Variants in PLD5 observed in about 807,000 individuals in gnomAD.
The protein encoded by PLD5 is phospholipase D family member 5, also known as inactive phospholipase D5.
A neutral mutation model predicts 61.1 loss-of-function variants in PLD5; 36 were observed. That is an observed-to-expected ratio of 0.59 (90% confidence interval 0.45 to 0.78). The LOEUF (loss-of-function observed/expected upper bound fraction) is 0.78, where lower values mean the gene tolerates loss of function less well. PLD5 is among the 30% of genes least tolerant of loss of function. The pLI, the probability that PLD5 is intolerant of heterozygous loss-of-function variation, is 0.00. For missense variants in PLD5, 515 were observed against 644.4 expected (o/e 0.80, Z 2.17); for synonymous variants, 243 against 242.8 (o/e 1.00, Z -0.01).
chr1:242,409,991 G>A (rs1249319838), intron 1 of PLD5, among the ~76,000 whole-genome samples: 4 of 152,132 alleles, frequency 2.6e-5, no homozygotes, highest in Admixed American at 6.5e-5. Flanking sequence ...TTCTGGAGCC[G>A]CTTTAAAAGA....
chr1:242,450,885 C>T (rs1666751010), intron 1 of PLD5, among the ~76,000 whole-genome samples: 1 of 152,154 alleles, frequency 6.6e-6, no homozygotes, highest in Admixed American at 6.5e-5. Context: ...GTTCTAGACA[C>T]CCCTTTAAGG....
chr1:242,094,653 C>T (rs1049640572), intron 9 of PLD5, among the ~76,000 whole-genome samples: 4 of 152,100 alleles, frequency 2.6e-5, no homozygotes. Context: ...AAAATTCACT[C>T]ATTTAAAAAT....
At chr1:242,173,695 C>T (rs1374595967) in intron 5 of PLD5, among the ~76,000 whole-genome samples, 1 of 152,130 alleles carries the variant, frequency 6.6e-6, no homozygotes, top group Non-Finnish European at 1.5e-5. Context: ...GGTACCAAAA[C>T]AGAGATATAG....
At chr1:242,489,488 G>T (rs1668071244) in intron 1 of PLD5, among the ~76,000 whole-genome samples, 1 of 151,992 alleles carries the variant, frequency 6.6e-6, no homozygotes, top group African/African-American at 2.4e-5. Context: ...AGAAGAGGAA[G>T]AGGCAGCGAA....
intron 1 of PLD5, among the ~76,000 whole-genome samples, chr1:242,408,569 G>A (rs1429525499): frequency 6.6e-6 from 1 of 152,014 alleles, no homozygotes; most frequent in Non-Finnish European, 1.5e-5. Flanking sequence ...CTTGCCATGT[G>A]ACACACCTGC....
At chr1:242,282,852 A>C (rs1674790800) in intron 3 of PLD5, among the ~76,000 whole-genome samples, 1 of 152,200 alleles carries the variant, frequency 6.6e-6, no homozygotes, top group Non-Finnish European at 1.5e-5. Flanking sequence ...TCCAGACAGA[A>C]ACAAAAACCT....
At chr1:242,212,831 CT>C (rs1669917522) in intron 5 of PLD5, among the ~76,000 whole-genome samples, 1 of 152,196 alleles carries the variant, frequency 6.6e-6, no homozygotes, top group African/African-American at 2.4e-5. Context: ...AAACCTCTTT[CT>C]GATAATGGCC....
intron 1 of PLD5, among the ~76,000 whole-genome samples, chr1:242,421,698 G>T (rs147847183): frequency 3.7e-3 from 558 of 152,312 alleles, no homozygotes; most frequent in South Asian, 0.015. Flanking sequence ...GAGAGTTTCA[G>T]ACATTAAGTC....
At chr1:242,331,980 G>A (rs1269716781) in intron 2 of PLD5, among the ~76,000 whole-genome samples, 8 of 147,262 alleles carry the variant, frequency 5.4e-5, no homozygotes, top group Admixed American at 2.7e-4. Flanking sequence ...GTGGTTTGCC[G>A]CACCCATCAA....
At chr1:242,107,410 T>G (rs1661144926) in intron 8 of PLD5, among the ~76,000 whole-genome samples, 1 of 128,366 alleles carries the variant, frequency 7.8e-6, no homozygotes, top group African/African-American at 2.6e-5. Context: ...AAACCCTATC[T>G]CAAGAAAAAA....
intron 1 of PLD5, among the ~76,000 whole-genome samples, chr1:242,401,973 CAAAGG>C (rs1320422733): frequency 6.6e-6 from 1 of 152,180 alleles, no homozygotes; most frequent in Admixed American, 6.5e-5. Context: ...GTTCTAAGGT[CAAAGG>C]AAAGGAACAT....
intron 7 of PLD5, among the ~76,000 whole-genome samples, chr1:242,112,319 G>GTATGTAAGTATA (rs1553301145): frequency 1.1e-5 from 1 of 94,514 alleles, no homozygotes; most frequent in Non-Finnish European, 1.9e-5. Context: ...GTGTGTGTGT[G>GTATGTAAGTATA]TGTGTATGTA....
chr1:242,387,087 T>C (rs1662644200), intron 1 of PLD5, among the ~76,000 whole-genome samples: 1 of 152,220 alleles, frequency 6.6e-6, no homozygotes, highest in African/African-American at 2.4e-5. Context: ...TTTACTTCTT[T>C]TGAAAAATTT....
intron 1 of PLD5, chr1:242,449,353 C>T: frequency 6.5e-7 from 1 of 1,536,112 alleles, no homozygotes; most frequent in Non-Finnish European, 8.7e-7. Flanking sequence ...GAGTTTCTTA[C>T]CATTGCGACC....
At chr1:242,284,869 C>T (rs1674929926) in intron 3 of PLD5, among the ~76,000 whole-genome samples, 1 of 152,148 alleles carries the variant, frequency 6.6e-6, no homozygotes, top group South Asian at 2.1e-4. Context: ...TAAAGCCCCT[C>T]TATCCTTCAT....
chr1:242,422,206 T>C (rs936940803), intron 1 of PLD5, among the ~76,000 whole-genome samples: 4 of 151,030 alleles, frequency 2.6e-5, no homozygotes, highest in Non-Finnish European at 5.9e-5. Flanking sequence ...ATATTTACCA[T>C]GAGGAGGGAG....
chr1:242,147,658 A>T (rs1230834404), intron 5 of PLD5: 1 of 131,596 alleles, frequency 7.6e-6, no homozygotes, highest in African/African-American at 3.3e-5. Flanking sequence ...GTTGCTTTGT[A>T]TACTTGCTGG....
chr1:242,525,448 C>T (rs980811681), upstream of PLD5, among the ~76,000 whole-genome samples: 1 of 152,216 alleles, frequency 6.6e-6, no homozygotes, highest in Non-Finnish European at 1.5e-5. Context: ...TTTCTAGGCC[C>T]CTAGGGTCCA....
chr1:242,114,669 G>A (rs186439241), intron 6 of PLD5, among the ~76,000 whole-genome samples: 2 of 152,256 alleles, frequency 1.3e-5, no homozygotes, highest in Admixed American at 6.5e-5. Context: ...GATTCTCATA[G>A]GGGCGTGAGC....
Sources: allele counts gnomAD v4.1 joint callset (sites outside exome capture counted in the v4.1 genomes callset), GRCh38; gene constraint gnomAD v4.1.1; transcripts MANE v1.5; gene names NCBI Gene and HGNC (gene_info 2026-07-23, HGNC 2026-07-21).